ADGRL2: variants seen among roughly 807,000 people sequenced by gnomAD.
The protein encoded by ADGRL2 is calcium-independent alpha-latrotoxin receptor 2.
ADGRL2 carries 44 observed loss-of-function variants against 157.4 expected under a neutral mutation model. The ratio of observed to expected loss-of-function variants is 0.28; its 90% CI spans 0.22 to 0.36. The LOEUF (loss-of-function observed/expected upper bound fraction) is 0.36. ADGRL2 is among the 10% of genes least tolerant of loss of function. The pLI is 1.00. For synonymous variants in ADGRL2, 585 were observed against 624.7 expected, an observed-to-expected ratio of 0.94 and a Z score of 0.95; for missense variants, 1,510 against 1,768.9, an observed-to-expected ratio of 0.85 and a Z score of 2.63.
chr1:81,966,467 C>T lies in ADGRL2; in HGVS notation c.2207C>T (p.Ala736Val). 1.2e-6 allele frequency: 2 copies of T among 1,614,084 alleles called. No individual in the cohort carries two copies. Among genetic ancestry groups the T allele is most frequent in the Admixed American group, 1.7e-5 (1 of 60,010 alleles). The change falls in exon 13 of 24, where the codon GCA becomes GTA. Residue 736 changes from alanine (A) to valine (V), a missense_variant. Ala to Val is a moderately conservative substitution (Grantham distance 64, BLOSUM62 0). Transcript: ENST00000686636. ...SLGQFLSTEN[A>V]TIKLGADFIG... is the part of the protein sequence containing the mutation. ...GGACAGTTCCTTAGTACAGAAAATG[C>T]AACCATTAAACTGGGTGCTGATTTT...
chr1:81,855,377 G>T (rs2150613332), intron 2 of ADGRL2, among the ~76,000 whole-genome samples: 1 of 152,216 alleles, frequency 6.6e-6, no homozygotes, highest in South Asian at 2.1e-4. Flanking sequence ...GTAGTTCAAG[G>T]TTGCAGTGAG....
At chr1:81,353,008 T>C (rs935972981) in intron 1 of ADGRL2, among the ~76,000 whole-genome samples, 1 of 152,148 alleles carries the variant, frequency 6.6e-6, no homozygotes, top group Non-Finnish European at 1.5e-5. Flanking sequence ...GAAAAAGCGT[T>C]GGAGGTAATA....
intron 1 of ADGRL2, among the ~76,000 whole-genome samples, chr1:81,717,312 G>C (rs951707874): frequency 1.3e-5 from 2 of 152,298 alleles, no homozygotes; most frequent in Middle Eastern, 3.4e-3. Context: ...CCTTTGGAAA[G>C]AGGCACAGCA....
intron 1 of ADGRL2, among the ~76,000 whole-genome samples, chr1:81,811,033 C>T (rs924867599): frequency 5.9e-5 from 9 of 151,706 alleles, no homozygotes; most frequent in Admixed American, 3.3e-4. Flanking sequence ...GCTATGATAC[C>T]CATAGCCTGC....
chr1:81,933,769 A>T (rs1392555801), intron 3 of ADGRL2, among the ~76,000 whole-genome samples: 2 of 152,052 alleles, frequency 1.3e-5, no homozygotes, highest in Admixed American at 6.6e-5. Context: ...TTATAAAGGA[A>T]TATAAATGTC....
intron 1 of ADGRL2, among the ~76,000 whole-genome samples, chr1:81,398,539 T>C (rs1205866110): frequency 6.6e-6 from 1 of 152,206 alleles, no homozygotes; most frequent in Non-Finnish European, 1.5e-5. Flanking sequence ...CTCCCATATG[T>C]AGGACTGTCT....
chr1:81,936,136 T>C (rs928734970), intron 3 of ADGRL2, among the ~76,000 whole-genome samples: 1 of 151,914 alleles, frequency 6.6e-6, no homozygotes. Flanking sequence ...ATCATTTATG[T>C]GGACCATAGC....
At chr1:81,914,817 A>G (rs1004942060) in intron 3 of ADGRL2, among the ~76,000 whole-genome samples, 3 of 152,184 alleles carry the variant, frequency 2.0e-5, no homozygotes, top group Admixed American at 2.0e-4. Flanking sequence ...GTACAGTAAT[A>G]AATAACCATT....
chr1:81,369,832 A>G (rs1437512692), intron 1 of ADGRL2, among the ~76,000 whole-genome samples: 21 of 152,192 alleles, frequency 1.4e-4, no homozygotes, highest in Non-Finnish European at 1.0e-4. Flanking sequence ...ACTAGACTAC[A>G]TTTGGCATTG....
chr1:81,391,479 A>C (rs2076556899), intron 1 of ADGRL2, among the ~76,000 whole-genome samples: 1 of 152,300 alleles, frequency 6.6e-6, no homozygotes, highest in South Asian at 2.1e-4. Flanking sequence ...AGAATTTGGC[A>C]AATAAAATTC....
At chr1:81,350,755 AG>A (rs1310097303) in intron 1 of ADGRL2, among the ~76,000 whole-genome samples, 3 of 152,178 alleles carry the variant, frequency 2.0e-5, no homozygotes, top group African/African-American at 7.2e-5. Flanking sequence ...TTTTACATGT[AG>A]GCATTTGTTT....
At chr1:81,970,034 G>A (rs1011130935) in intron 15 of ADGRL2, among the ~76,000 whole-genome samples, 4 of 151,982 alleles carry the variant, frequency 2.6e-5, no homozygotes, top group Non-Finnish European at 4.4e-5. Flanking sequence ...TTTCTTATTT[G>A]ATATTTAATT....
intron 3 of ADGRL2, among the ~76,000 whole-genome samples, chr1:81,634,535 G>GT (rs2082079050): frequency 6.9e-6 from 1 of 144,672 alleles, no homozygotes; most frequent in African/African-American, 2.6e-5. Flanking sequence ...TGGTTTTTTT[G>GT]TTTGTTTGTT....
intron 1 of ADGRL2, among the ~76,000 whole-genome samples, chr1:81,433,799 C>A (rs1222947239): frequency 6.6e-6 from 1 of 152,134 alleles, no homozygotes; most frequent in African/African-American, 2.4e-5. Flanking sequence ...TTGGGTTGTC[C>A]TCACTCAGGG....
chr1:81,751,985 A>G (rs1409803511), intron 1 of ADGRL2, among the ~76,000 whole-genome samples: 2 of 152,210 alleles, frequency 1.3e-5, no homozygotes, highest in African/African-American at 4.8e-5. Context: ...TTTACATGTT[A>G]TAAAGTTTTA....
chr1:81,620,369 T>G (rs2081764402), intron 3 of ADGRL2, among the ~76,000 whole-genome samples: 1 of 152,234 alleles, frequency 6.6e-6, no homozygotes, highest in Admixed American at 6.5e-5. Flanking sequence ...GTACATGGTT[T>G]TATGGATTCT....
chr1:81,612,448 A>G (rs192573931), intron 3 of ADGRL2, among the ~76,000 whole-genome samples: 1 of 152,344 alleles, frequency 6.6e-6, no homozygotes, highest in East Asian at 1.9e-4. Flanking sequence ...AGTATGAAGT[A>G]CCAAAAATAA....
chr1:81,766,830 C>CAAAAAAAAAAAAAAAAAAA (rs71592740), intron 2 of ADGRL2, among the ~76,000 whole-genome samples: 1 of 81,096 alleles, frequency 1.2e-5, no homozygotes, highest in Non-Finnish European at 2.4e-5. Context: ...AACTCCGTCT[C>CAAAAAAAAAAAAAAAAAAA]AAAAAAAAAA....
rs752610762 is a variant in ADGRL2 at position 81,951,115 on chromosome 1, T to C, written c.1602T>C (p.Ala534=). The change falls in exon 8 of 24, where the codon GCT becomes GCC. Residue 534 remains alanine, a synonymous_variant. Coordinates refer to ENST00000686636, the MANE Select transcript of ADGRL2 (RefSeq NM_001366006.2). The stretch of plus-strand genomic sequence containing the variant: ...CCTCACACTGGGTGAATCAGCTGGC[T>C]CAGAAGGTTGGTTGGAACCTTTTAA... ...NCTSHWVNQL[A]QKIRSGENAA... 8.7e-6 allele frequency: 14 copies of C among 1,611,196 alleles called. No homozygotes were observed. Among genetic ancestry groups the C allele is most frequent in the Non-Finnish European group, 1.2e-5 (14 of 1,177,586 alleles).
Sources: gnomAD v4.1 joint callset for allele counts (sites outside exome capture counted in the v4.1 genomes callset) on GRCh38, gnomAD v4.1.1 for gene constraint, MANE v1.5 for transcripts, NCBI Gene and HGNC (gene_info 2026-07-23, HGNC 2026-07-21) for gene names.